Variants in UNC13C observed in about 807,000 individuals in gnomAD.
UNC13C encodes the protein unc-13 homolog C.
A neutral mutation model predicts 245.4 loss-of-function variants in UNC13C; 174 were observed. The observed-to-expected ratio is 0.71, with a 90% CI of 0.63 to 0.80. The LOEUF is 0.80. Ranked by LOEUF, UNC13C falls within the 30% of genes least tolerant of loss-of-function variation. The probability of loss-of-function intolerance (pLI) is 0.00; values close to 1 mark genes in which losing one functional copy is unlikely to be tolerated. For missense variants in UNC13C, 2,829 were observed against 2,602.9 expected (o/e 1.09, Z -1.89); for synonymous variants, 992 against 895.1 (o/e 1.11, Z -1.93).
the UNC13C span, among the ~76,000 whole-genome samples, chr15:53,920,478 G>A: frequency 3.9e-5 from 6 of 152,196 alleles, no homozygotes; most frequent in East Asian, 3.9e-4. Context: ...TGCTTGGACC[G>A]GGAGGCAGAG....
At chr15:54,075,562 A>G (rs1898567835) in intron 2 of UNC13C, among the ~76,000 whole-genome samples, 1 of 141,692 alleles carries the variant, frequency 7.1e-6, no homozygotes. Context: ...AAAAAAAAAA[A>G]AAAAAAAAAA....
At chr15:54,094,314 C>T (rs1595845654) in intron 2 of UNC13C, among the ~76,000 whole-genome samples, 1 of 152,130 alleles carries the variant, frequency 6.6e-6, no homozygotes, top group South Asian at 2.1e-4. Context: ...TTCTTATTTT[C>T]CCTTATGGAT....
the UNC13C span, chr15:53,913,112 A>G: frequency 6.6e-6 from 1 of 152,184 alleles, no homozygotes; most frequent in African/African-American, 2.4e-5. Flanking sequence ...GCATAGCCCC[A>G]CCATATGTCA....
At chr15:54,612,030 TTA>T (rs1900130137) in intron 30 of UNC13C, among the ~76,000 whole-genome samples, 1 of 152,000 alleles carries the variant, frequency 6.6e-6, no homozygotes. Context: ...CAAAATAAGT[TTA>T]TTTCTCATTT....
intron 30 of UNC13C, among the ~76,000 whole-genome samples, chr15:54,600,550 A>T (rs1368233277): frequency 6.6e-6 from 1 of 152,056 alleles, no homozygotes; most frequent in Admixed American, 6.6e-5. Context: ...GTACTGACCT[A>T]TTGCTAAATG....
At chr15:54,476,656 C>G (rs1440523201) in intron 19 of UNC13C, among the ~76,000 whole-genome samples, 3 of 151,708 alleles carry the variant, frequency 2.0e-5, no homozygotes, top group Admixed American at 6.6e-5. Flanking sequence ...CTGTTCTGTT[C>G]CATTGATCTA....
intron 2 of UNC13C, among the ~76,000 whole-genome samples, chr15:54,027,651 G>A (rs1348920936): frequency 6.6e-6 from 1 of 152,144 alleles, no homozygotes; most frequent in African/African-American, 2.4e-5. Context: ...GATCACAGAC[G>A]TAAGCCACAG....
At chr15:54,321,891 A>G (rs2038169495) in intron 13 of UNC13C, 48 bp from the exon 14 acceptor site, 2 of 1,519,226 alleles carry the variant, frequency 1.3e-6, no homozygotes, top group African/African-American at 2.8e-5. Context: ...TGTTGTATGA[A>G]TTAATTAATT....
At chr15:53,965,628 C>T in the UNC13C span, among the ~76,000 whole-genome samples, 1 of 150,766 alleles carries the variant, frequency 6.6e-6, no homozygotes, top group Non-Finnish European at 1.5e-5. Flanking sequence ...ATGTTAGTTA[C>T]ATATGTATAC....
At chr15:54,357,649 T>G (rs2140856547) in intron 17 of UNC13C, among the ~76,000 whole-genome samples, 1 of 152,046 alleles carries the variant, frequency 6.6e-6, no homozygotes, top group South Asian at 2.1e-4. Flanking sequence ...AGCATAAAAT[T>G]AGACATATTA....
intron 18 of UNC13C, 92 bp downstream of exon 18, chr15:54,393,273 T>C: frequency 9.3e-7 from 1 of 1,076,132 alleles, no homozygotes; most frequent in Non-Finnish European, 1.2e-6. Flanking sequence ...ACGACAATAA[T>C]AAACTTTTCC....
chr15:54,345,497 A>G (rs775934965), intron 17 of UNC13C, among the ~76,000 whole-genome samples: 6 of 152,222 alleles, frequency 3.9e-5, no homozygotes, highest in Non-Finnish European at 8.8e-5. Flanking sequence ...CTGCAGTGCA[A>G]TAACCTGGAA....
the UNC13C span, among the ~76,000 whole-genome samples, chr15:53,904,694 C>T: frequency 6.6e-6 from 1 of 152,086 alleles, no homozygotes; most frequent in African/African-American, 2.4e-5. Context: ...ATGTTATTTT[C>T]ATCAACCTCA....
rs556652184 is a variant in UNC13C, at chr15:54,121,319, A to G, written c.2984-21699A>G. ...AAAGATTACAATTTGCGGAAGGCTC[A>G]GACGATTGTTAGTATTTTTAGCAAT... On this transcript the variant is annotated intron_variant, in intron 2 of 32. Coordinates refer to ENST00000260323, the MANE Select transcript of UNC13C (RefSeq NM_001080534.3). 8.5e-4 allele frequency among the ~76,000 whole-genome samples: 129 copies of G among 152,314 alleles called. 2 individuals carry two copies. The highest frequency in any genetic ancestry group is 2.7e-3 in the South Asian group (13 of 4,832).
At chr15:54,498,334 T>C (rs1389224093) in intron 20 of UNC13C, among the ~76,000 whole-genome samples, 1 of 152,120 alleles carries the variant, frequency 6.6e-6, no homozygotes, top group Non-Finnish European at 1.5e-5. Flanking sequence ...TCATGTATTA[T>C]ATATTCTTGA....
chr15:54,178,698 T>C (rs934742576), intron 4 of UNC13C, among the ~76,000 whole-genome samples: 3 of 152,100 alleles, frequency 2.0e-5, no homozygotes, highest in African/African-American at 7.2e-5. Flanking sequence ...AATAACAAAA[T>C]TTCTGTGCAG....
At chr15:54,299,441 A>C (rs1334340145) in intron 12 of UNC13C, among the ~76,000 whole-genome samples, 1 of 152,168 alleles carries the variant, frequency 6.6e-6, no homozygotes, top group Non-Finnish European at 1.5e-5. Flanking sequence ...GCCTTAACAT[A>C]GTCAAAATCA....
chr15:54,014,054 C>G lies in UNC13C; in HGVS notation c.1151C>G (p.Pro384Arg), dbSNP rs1201312242. 6.2e-7 allele frequency: 1 copy of G among 1,613,636 alleles called. No homozygotes were observed. Among genetic ancestry groups the G allele is most frequent in the East Asian group, 2.2e-5 (1 of 44,880 alleles). The change falls in exon 2 of 33, where the codon CCT becomes CGT. Residue 384 changes from proline to arginine, a missense_variant. Pro to Arg is a moderately radical substitution (Grantham distance 103). Transcript: ENST00000260323. The stretch of plus-strand genomic sequence containing the variant: ...CCCATACTTGTGTACTTTGAAACCC[C>G]TCAACAAAGGGATTCTGTCTTAAAA... ...PRPILVYFET[P>R]QQRDSVLKKS...
intron 18 of UNC13C, among the ~76,000 whole-genome samples, chr15:54,407,346 G>GTGTCCCA (rs1419362466): frequency 9.2e-5 from 14 of 152,168 alleles, no homozygotes; most frequent in Admixed American, 3.3e-4. Context: ...AGGGTGGAAA[G>GTGTCCCA]GAGGGGACAC....
Sources: allele counts gnomAD v4.1 joint callset (sites outside exome capture counted in the v4.1 genomes callset), GRCh38; gene constraint gnomAD v4.1.1; transcripts MANE v1.5; gene names NCBI Gene and HGNC (gene_info 2026-07-23, HGNC 2026-07-21).